Variants in CDK14 observed in about 807,000 individuals in gnomAD.
CDK14 encodes the protein cyclin-dependent kinase 14.
CDK14 carries 34 observed loss-of-function variants against 60.7 expected under a neutral mutation model. That is an observed-to-expected ratio of 0.56 (90% CI 0.43 to 0.75). CDK14 has a LOEUF of 0.75. CDK14 is among the 30% of genes least tolerant of loss of function. CDK14 has a pLI of 0.00. For synonymous variants in CDK14, 197 were observed against 203.7 expected, an observed-to-expected ratio of 0.97 and a Z score of 0.28; for missense variants, 482 against 564.1, an observed-to-expected ratio of 0.85 and a Z score of 1.47.
chr7:91,072,625 A>G (rs1376632876), intron 11 of CDK14, among the ~76,000 whole-genome samples: 3 of 152,102 alleles, frequency 2.0e-5, no homozygotes, highest in Non-Finnish European at 4.4e-5. Flanking sequence ...TACTCCTTCA[A>G]ACGATCGCAA....
At chr7:90,630,638 A>T (rs1799973616) in intron 2 of CDK14, among the ~76,000 whole-genome samples, 1 of 152,162 alleles carries the variant, frequency 6.6e-6, no homozygotes, top group African/African-American at 2.4e-5. Context: ...GTGGTATTTG[A>T]ATTATTATGT....
intron 5 of CDK14, among the ~76,000 whole-genome samples, chr7:90,800,832 A>G (rs1034151113): frequency 6.6e-5 from 10 of 152,174 alleles, no homozygotes; most frequent in Non-Finnish European, 1.3e-4. Context: ...TTTAGAGGCT[A>G]TAGGGAAGAA....
At chr7:91,017,670 A>T (rs1018932726) in intron 10 of CDK14, among the ~76,000 whole-genome samples, 2 of 152,128 alleles carry the variant, frequency 1.3e-5, no homozygotes, top group African/African-American at 4.8e-5. Context: ...AGACAGAATA[A>T]ATGGGCACTG....
At chr7:90,637,896 CT>C (rs1327600879) in intron 2 of CDK14, among the ~76,000 whole-genome samples, 1 of 150,100 alleles carries the variant, frequency 6.7e-6, no homozygotes, top group Non-Finnish European at 1.5e-5. Flanking sequence ...TAATGGCCTT[CT>C]TTGTCTCTTT....
At chr7:90,744,948 T>C (rs921302196) in intron 3 of CDK14, among the ~76,000 whole-genome samples, 1 of 152,252 alleles carries the variant, frequency 6.6e-6, no homozygotes, top group African/African-American at 2.4e-5. Flanking sequence ...TGCTTTCTTA[T>C]TGAATATGCC....
At chr7:90,785,333 A>C (rs1262522583) in intron 4 of CDK14, among the ~76,000 whole-genome samples, 1 of 152,204 alleles carries the variant, frequency 6.6e-6, no homozygotes, top group Non-Finnish European at 1.5e-5. Flanking sequence ...ATTTGAAGTA[A>C]CTAATGGAAT....
At chr7:91,120,451 G>A (rs781128658) in intron 14 of CDK14, among the ~76,000 whole-genome samples, 5 of 151,914 alleles carry the variant, frequency 3.3e-5, no homozygotes, top group Non-Finnish European at 5.9e-5. Context: ...TTATAACACA[G>A]TAGAAGCTTT....
intron 10 of CDK14, among the ~76,000 whole-genome samples, chr7:91,042,548 G>A (rs1454129422): frequency 2.6e-5 from 4 of 152,132 alleles, no homozygotes; most frequent in Non-Finnish European, 5.9e-5. Context: ...GCCAAATAAA[G>A]AGCTGAACCA....
chr7:91,000,368 G>A (rs1795804025), intron 10 of CDK14, among the ~76,000 whole-genome samples: 1 of 152,136 alleles, frequency 6.6e-6, no homozygotes, highest in African/African-American at 2.4e-5. Flanking sequence ...TGATCCTGTG[G>A]CTATGGCTTA....
intron 2 of CDK14, among the ~76,000 whole-genome samples, chr7:90,688,161 T>C (rs1801478308): frequency 6.6e-6 from 1 of 152,192 alleles, no homozygotes; most frequent in Admixed American, 6.6e-5. Context: ...GTGGTTATCA[T>C]AGCAGTCAGA....
chr7:90,844,494 T>C (rs1022405599), intron 5 of CDK14, among the ~76,000 whole-genome samples: 4 of 152,202 alleles, frequency 2.6e-5, no homozygotes, highest in African/African-American at 9.6e-5. Flanking sequence ...GCTGGGCTGT[T>C]GGTCTCTTCT....
intron 12 of CDK14, among the ~76,000 whole-genome samples, chr7:91,085,793 G>A (rs1428385217): frequency 6.6e-6 from 1 of 152,106 alleles, no homozygotes; most frequent in East Asian, 1.9e-4. Flanking sequence ...TTAAAATTAT[G>A]TATAAGGAAG....
chr7:91,056,974 G>T (rs966239894), intron 11 of CDK14, among the ~76,000 whole-genome samples: 14 of 151,974 alleles, frequency 9.2e-5, no homozygotes, highest in African/African-American at 3.4e-4. Context: ...GATCCCTGAG[G>T]AATTGCCACA....
At position 91,135,900 on chromosome 7, in the gene CDK14, T is replaced by C. The variant is rs529952301; in HGVS notation, c.*28+17692T>C. On this transcript the variant is annotated intron_variant, in intron 14 of 14. Transcript: ENST00000380050. ...GGATGTCTTTTAGAGCCGGACTCAG[T>C]GAGTCATACCATCAAAGTGCTCACA... Among the ~76,000 whole-genome samples the C allele has an allele frequency of 2.6e-5, 4 of 152,256 alleles. No homozygotes were observed. The East Asian group carries it at 7.7e-4, about 29-fold the overall frequency.
intron 10 of CDK14, among the ~76,000 whole-genome samples, chr7:90,987,850 A>G (rs1027883999): frequency 8.5e-5 from 13 of 152,260 alleles, no homozygotes; most frequent in Admixed American, 8.5e-4. Flanking sequence ...TAAAGTGGCA[A>G]TTGTATATCT....
chr7:90,805,682 G>A (rs1241438889), intron 5 of CDK14, among the ~76,000 whole-genome samples: 5 of 151,948 alleles, frequency 3.3e-5, no homozygotes, highest in East Asian at 1.9e-4. Flanking sequence ...TGAAGATCTC[G>A]TATTGTTAAG....
intron 6 of CDK14, among the ~76,000 whole-genome samples, chr7:90,873,927 A>G (rs1791461360): frequency 6.6e-6 from 1 of 152,186 alleles, no homozygotes; most frequent in Non-Finnish European, 1.5e-5. Flanking sequence ...TGATTATATC[A>G]GAATTCAGAA....
chr7:91,001,085 A>T (rs999788936), intron 10 of CDK14, among the ~76,000 whole-genome samples: 1 of 152,076 alleles, frequency 6.6e-6, no homozygotes, highest in African/African-American at 2.4e-5. Flanking sequence ...ATTAATCTTT[A>T]CCTTTGTGCT....
At chr7:91,000,381 T>C (rs1795804296) in intron 10 of CDK14, among the ~76,000 whole-genome samples, 2 of 152,194 alleles carry the variant, frequency 1.3e-5, no homozygotes, top group African/African-American at 4.8e-5. Context: ...ATGGCTTACT[T>C]TTTGCCAAAA....
Sources: gnomAD v4.1 joint callset for allele counts (sites outside exome capture counted in the v4.1 genomes callset) on GRCh38, gnomAD v4.1.1 for gene constraint, MANE v1.5 for transcripts, NCBI Gene and HGNC (gene_info 2026-07-23, HGNC 2026-07-21) for gene names.